IFT80: variants seen among roughly 807,000 people sequenced by gnomAD.
IFT80 encodes the protein intraflagellar transport protein 80 homolog.
A neutral mutation model predicts 107.9 loss-of-function variants in IFT80; 79 were observed. That is an observed-to-expected ratio of 0.73 (90% CI 0.61 to 0.88). The LOEUF (loss-of-function observed/expected upper bound fraction) is 0.88, where lower values mean the gene tolerates loss of function less well. IFT80 is among the 40% of genes least tolerant of loss of function. The pLI, the probability that IFT80 is intolerant of heterozygous loss-of-function variation, is 0.00. For missense variants in IFT80, 797 were observed against 914.2 expected (o/e 0.87, Z 1.65); for synonymous variants, 299 against 300.9 (o/e 0.99, Z 0.07).
At chr3:160,258,782 G>A in intron 19 of IFT80, 147 bp from the exon 20 acceptor site, 1 of 1,117,418 alleles carries the variant, frequency 8.9e-7, no homozygotes, top group South Asian at 1.5e-5. Flanking sequence ...GAGAAAAAGA[G>A]AGCATCAAAG....
chr3:160,258,491 A>C lies in IFT80; in HGVS notation c.*34T>G, dbSNP rs1374901175. On this transcript the variant is annotated 3_prime_UTR_variant, in exon 20 of 20. Coordinates refer to ENST00000326448, the MANE Select transcript of IFT80 (RefSeq NM_020800.3). ...CCCTTGGTTAATCAGAACGTGTTTC[A>C]AAAGATAAAATTTCTTAAAGATACG... The C allele has an allele frequency of 6.2e-7, 1 of 1,612,852 alleles. No individual in the cohort carries two copies. The highest frequency in any genetic ancestry group is 1.1e-5 in the South Asian group (1 of 91,068).
chr3:160,362,692 C>T (rs953020272), intron 6 of IFT80, among the ~76,000 whole-genome samples: 32 of 152,162 alleles, frequency 2.1e-4, no homozygotes, highest in African/African-American at 7.5e-4. Flanking sequence ...TGGCTTCATC[C>T]CTGGGATGCA....
At chr3:160,259,480 A>G (rs1712642952) in intron 19 of IFT80, among the ~76,000 whole-genome samples, 1 of 152,208 alleles carries the variant, frequency 6.6e-6, no homozygotes, top group East Asian at 1.9e-4. Flanking sequence ...ATTCTGTGAA[A>G]GTGGCTCCTT....
At chr3:160,334,814 T>A (rs995799662) in intron 8 of IFT80, among the ~76,000 whole-genome samples, 7 of 152,040 alleles carry the variant, frequency 4.6e-5, no homozygotes, top group African/African-American at 1.7e-4. Context: ...GCTTTTTTTT[T>A]TTTTTAAAGA....
chr3:160,365,997 C>T lies in IFT80; in HGVS notation c.549+46G>A, dbSNP rs139467589. ...CCTAAGCAAGTGCCCTCTAGTTTAGCAGTCAGGCAGACCCTGATAACAATT... is the reference window on the plus strand; with the variant it reads ...CCTAAGCAAGTGCCCTCTAGTTTAGTAGTCAGGCAGACCCTGATAACAATT... On this transcript the variant is annotated intron_variant, in intron 6 of 19. Coordinates refer to ENST00000326448, the MANE Select transcript of IFT80 (RefSeq NM_020800.3). 2,155 of 1,407,780 alleles carry T rather than the reference C, an allele frequency of 1.5e-3. 27 individuals are homozygous for T. The African/African-American group carries it at 0.028, about 18-fold the overall frequency. The allele number at this position is 1,407,780 out of a possible 1,614,324, so 87.2% of individuals were successfully genotyped here. A position where few individuals can be genotyped will look rare whatever the true frequency, so the allele number is the denominator to read the frequency against.
chr3:160,310,543 T>C (rs1321883847), intron 9 of IFT80, among the ~76,000 whole-genome samples: 1 of 152,130 alleles, frequency 6.6e-6, no homozygotes, highest in Non-Finnish European at 1.5e-5. Flanking sequence ...CTAATAAATG[T>C]GGAAGGAATC....
At chr3:160,347,152 A>T (rs574057990) in intron 8 of IFT80, among the ~76,000 whole-genome samples, 283 of 152,102 alleles carry the variant, frequency 1.9e-3, no homozygotes, top group Non-Finnish European at 3.5e-3. Context: ...ACCACCCAAT[A>T]CACACACACC....
At chr3:160,335,485 G>A (rs1576827723) in intron 8 of IFT80, among the ~76,000 whole-genome samples, 1 of 152,078 alleles carries the variant, frequency 6.6e-6, no homozygotes, top group African/African-American at 2.4e-5. Context: ...GCCTCCCAAA[G>A]TGCTGGGATT....
At chr3:160,266,260 G>C (rs1244621414) in intron 19 of IFT80, among the ~76,000 whole-genome samples, 1 of 151,724 alleles carries the variant, frequency 6.6e-6, no homozygotes, top group Non-Finnish European at 1.5e-5. Context: ...TATGTATAAT[G>C]AAAAAGATGA....
At chr3:160,365,500 G>C (rs1721803145) in intron 6 of IFT80, among the ~76,000 whole-genome samples, 1 of 151,970 alleles carries the variant, frequency 6.6e-6, no homozygotes, top group Admixed American at 6.6e-5. Flanking sequence ...TGGTCTCCTT[G>C]GTTGACTAAA....
At chr3:160,283,987 G>C (rs185287278) in intron 13 of IFT80, among the ~76,000 whole-genome samples, 372 of 152,202 alleles carry the variant, frequency 2.4e-3, no homozygotes, top group Non-Finnish European at 4.2e-3. Flanking sequence ...ACACAGACTT[G>C]AGTTCTAGTT....
At chr3:160,389,692 G>A (rs980863002) in intron 1 of IFT80, among the ~76,000 whole-genome samples, 3 of 149,056 alleles carry the variant, frequency 2.0e-5, no homozygotes, top group Admixed American at 6.7e-5. Flanking sequence ...AGTATTCCAC[G>A]GTGTATATGT....
At chr3:160,331,996 T>C (rs1719124853) in intron 8 of IFT80, among the ~76,000 whole-genome samples, 1 of 146,442 alleles carries the variant, frequency 6.8e-6, no homozygotes, top group South Asian at 2.2e-4. Context: ...AACTGGGTCA[T>C]ATGTCCTATA....
chr3:160,339,322 G>A (rs1336296057), intron 8 of IFT80, among the ~76,000 whole-genome samples: 1 of 152,082 alleles, frequency 6.6e-6, no homozygotes, highest in Non-Finnish European at 1.5e-5. Context: ...GCTAAAATAA[G>A]TATATCAATA....
rs557192571 is a variant in IFT80, at chr3:160,284,128, T to C, written c.1381-1515A>G. Among the ~76,000 whole-genome samples the C allele has an allele frequency of 1.2e-4, 18 of 152,288 alleles. No individual in the cohort carries two copies. In the South Asian group the frequency reaches 3.5e-3, roughly 30 times the overall value. ...TCCTTTGTATTGCATACAAATGTACTGGGTAATTGGGTGAAGTGTGACATG... is the reference window on the plus strand; with the variant it reads ...TCCTTTGTATTGCATACAAATGTACCGGGTAATTGGGTGAAGTGTGACATG... On this transcript the variant is annotated intron_variant, in intron 13 of 19. Coordinates refer to ENST00000326448, the MANE Select transcript of IFT80 (RefSeq NM_020800.3).
intron 18 of IFT80, among the ~76,000 whole-genome samples, chr3:160,275,669 G>A (rs931453621): frequency 6.6e-6 from 1 of 151,998 alleles, no homozygotes; most frequent in Non-Finnish European, 1.5e-5. Flanking sequence ...AAATTGTACA[G>A]TATTCAGAAT....
chr3:160,367,137 C>T (rs1721925879), intron 5 of IFT80, among the ~76,000 whole-genome samples: 1 of 151,996 alleles, frequency 6.6e-6, no homozygotes, highest in South Asian at 2.1e-4. Context: ...GAATAGTACT[C>T]CACTGTATAT....
intron 5 of IFT80, among the ~76,000 whole-genome samples, chr3:160,374,096 A>C (rs1711789440): frequency 6.6e-6 from 1 of 152,146 alleles, no homozygotes; most frequent in Admixed American, 6.5e-5. Flanking sequence ...TAACAGAAAA[A>C]TTGAAGGAAG....
chr3:160,358,483 T>A (rs762954163), intron 6 of IFT80, among the ~76,000 whole-genome samples: 2 of 152,248 alleles, frequency 1.3e-5, no homozygotes, highest in African/African-American at 2.4e-5. Context: ...AACAAAAAGA[T>A]GTTTTCCATA....
Sources: allele counts gnomAD v4.1 joint callset (sites outside exome capture counted in the v4.1 genomes callset), GRCh38; gene constraint gnomAD v4.1.1; transcripts MANE v1.5; gene names NCBI Gene and HGNC (gene_info 2026-07-23, HGNC 2026-07-21).